Variants in MACROD2 observed in about 807,000 individuals in gnomAD.
MACROD2 encodes ADP-ribose glycohydrolase MACROD2.
Under a neutral mutation model 70.4 loss-of-function variants are expected in MACROD2, and 36 were observed. The observed-to-expected ratio is 0.51, with a 90% CI of 0.39 to 0.68. The LOEUF (loss-of-function observed/expected upper bound fraction) is 0.68. Ranked by LOEUF, MACROD2 falls within the 30% of genes least tolerant of loss-of-function variation. The pLI is 0.00. For missense variants in MACROD2, 496 were observed against 538.4 expected (o/e 0.92, Z 0.78); for synonymous variants, 172 against 178.8 (o/e 0.96, Z 0.30).
At chr20:14,470,400 G>A (rs545701442) in intron 3 of MACROD2, among the ~76,000 whole-genome samples, 1 of 152,244 alleles carries the variant, frequency 6.6e-6, no homozygotes, top group Non-Finnish European at 1.5e-5. Flanking sequence ...CAGGAGATAC[G>A]GGGATCGAGG....
At chr20:13,996,252 C>T (rs1222632078) in intron 1 of MACROD2, 1 of 202,666 alleles carries the variant, frequency 4.9e-6, no homozygotes, top group Non-Finnish European at 9.8e-6. Context: ...CCTCCGCGCT[C>T]CGTGCACCCT....
intron 6 of MACROD2, among the ~76,000 whole-genome samples, chr20:15,404,458 T>C (rs1321901210): frequency 3.3e-5 from 5 of 152,212 alleles, no homozygotes; most frequent in Non-Finnish European, 5.9e-5. Context: ...GAGGACATAG[T>C]ACAATTACAG....
intron 4 of MACROD2, among the ~76,000 whole-genome samples, chr20:14,661,395 G>T (rs1484440882): frequency 6.6e-6 from 1 of 152,066 alleles, no homozygotes; most frequent in Non-Finnish European, 1.5e-5. Flanking sequence ...TTGTAATGGG[G>T]TTATTTGTTT....
At chr20:15,620,533 T>G in intron 8 of MACROD2, among the ~76,000 whole-genome samples, 1 of 152,216 alleles carries the variant, frequency 6.6e-6, no homozygotes, top group East Asian at 1.9e-4. Context: ...TAACAATATG[T>G]CAGCTATGAA....
intron 5 of MACROD2, among the ~76,000 whole-genome samples, chr20:15,067,755 T>A (rs1242936612): frequency 2.0e-5 from 3 of 152,198 alleles, no homozygotes; most frequent in African/African-American, 7.2e-5. Flanking sequence ...AATTTATTGA[T>A]TGGTGATAAA....
intron 4 of MACROD2, among the ~76,000 whole-genome samples, chr20:14,516,908 G>A (rs1026894642): frequency 1.3e-5 from 2 of 152,076 alleles, no homozygotes; most frequent in African/African-American, 4.8e-5. Flanking sequence ...AAAAGAAGAC[G>A]TTTATGCAGC....
chr20:14,196,577 A>G (rs1328718810), intron 3 of MACROD2, among the ~76,000 whole-genome samples: 1 of 152,248 alleles, frequency 6.6e-6, no homozygotes, highest in Non-Finnish European at 1.5e-5. Flanking sequence ...CTTGATTATA[A>G]GCAATAGAAA....
Position 14,210,946 on chromosome 20 carries a change from C to T in MACROD2, c.271+125218C>T, listed in dbSNP as rs183916811. On this transcript the variant is annotated intron_variant, in intron 3 of 17. Transcript: ENST00000684519. The stretch of plus-strand genomic sequence containing the variant: ...AGTGCGTCATGTAAGGGGAGGGAGA[C>T]GCTTAGGATTACATGGTTAGCTAAG... Among the ~76,000 whole-genome samples the T allele has an allele frequency of 1.1e-3, 168 of 152,238 alleles. 1 individual carries two copies. Among genetic ancestry groups the T allele is most frequent in the Middle Eastern group, 3.4e-3 (1 of 294 alleles).
chr20:14,026,444 T>C (rs2053167382), intron 2 of MACROD2, among the ~76,000 whole-genome samples: 1 of 152,228 alleles, frequency 6.6e-6, no homozygotes, highest in Non-Finnish European at 1.5e-5. Context: ...GTGTTGATGG[T>C]CTTTACAATT....
intron 9 of MACROD2, among the ~76,000 whole-genome samples, chr20:15,872,241 C>T (rs959691817): frequency 2.6e-5 from 4 of 152,162 alleles, no homozygotes; most frequent in Admixed American, 2.6e-4. Flanking sequence ...CTTATCTCCT[C>T]TCTGGTCATC....
At chr20:14,115,285 A>G (rs186331847) in intron 3 of MACROD2, among the ~76,000 whole-genome samples, 3 of 152,310 alleles carry the variant, frequency 2.0e-5, no homozygotes, top group Non-Finnish European at 4.4e-5. Context: ...GGTAATAGGA[A>G]AAATATATAA....
At chr20:15,457,963 G>A (rs201280961) in intron 7 of MACROD2, among the ~76,000 whole-genome samples, 3,139 of 137,366 alleles carry the variant, frequency 0.023, 121 homozygotes, top group African/African-American at 0.079. Flanking sequence ...AAAAAAAAAA[G>A]AAAAAAGAAA....
chr20:15,898,564 A>AC (rs1395714468), intron 10 of MACROD2, among the ~76,000 whole-genome samples: 5 of 151,324 alleles, frequency 3.3e-5, no homozygotes, highest in South Asian at 2.1e-4. Flanking sequence ...AAAAAAAAAA[A>AC]AAAAAACAAA....
At chr20:14,237,285 C>T (rs1474344101) in intron 3 of MACROD2, among the ~76,000 whole-genome samples, 1 of 151,850 alleles carries the variant, frequency 6.6e-6, no homozygotes, top group Non-Finnish European at 1.5e-5. Context: ...TCTCCCATTT[C>T]TTCAATCTGA....
At chr20:14,259,651 A>T (rs546057886) in intron 3 of MACROD2, among the ~76,000 whole-genome samples, 1 of 152,346 alleles carries the variant, frequency 6.6e-6, no homozygotes, top group Admixed American at 6.5e-5. Context: ...AAAATGAATG[A>T]AACAGCCTTT....
chr20:15,935,574 C>T (rs373111750), intron 11 of MACROD2, among the ~76,000 whole-genome samples: 1 of 152,186 alleles, frequency 6.6e-6, no homozygotes, highest in Non-Finnish European at 1.5e-5. Flanking sequence ...AGGCCTCTTA[C>T]ACGTCATGAA....
intron 8 of MACROD2, among the ~76,000 whole-genome samples, chr20:15,834,317 G>A (rs2064089121): frequency 6.6e-6 from 1 of 152,124 alleles, no homozygotes; most frequent in African/African-American, 2.4e-5. Context: ...TCCCGTCTGG[G>A]CGACAGAGCT....
intron 3 of MACROD2, among the ~76,000 whole-genome samples, chr20:14,228,930 C>G (rs1286174379): frequency 6.7e-6 from 1 of 149,284 alleles, no homozygotes; most frequent in Admixed American, 6.8e-5. Flanking sequence ...TTGCTTGAAC[C>G]TGGGAGGCAG....
chr20:15,645,787 C>T (rs2049532336), intron 8 of MACROD2, among the ~76,000 whole-genome samples: 1 of 152,204 alleles, frequency 6.6e-6, no homozygotes, highest in Non-Finnish European at 1.5e-5. Flanking sequence ...AGGCTGAATG[C>T]ATGGCTAGGC....
Sources: gnomAD v4.1 joint callset for allele counts (sites outside exome capture counted in the v4.1 genomes callset) on GRCh38, gnomAD v4.1.1 for gene constraint, MANE v1.5 for transcripts, NCBI Gene and HGNC (gene_info 2026-07-23, HGNC 2026-07-21) for gene names.